Variants in TCF7L2 observed in about 807,000 individuals in gnomAD.
The protein encoded by TCF7L2 is transcription factor 7-like 2.
In TCF7L2, 23 loss-of-function variants were observed where a neutral mutation model predicts 77.9. The ratio of observed to expected loss-of-function variants is 0.30; its 90% CI spans 0.21 to 0.42. TCF7L2 has a LOEUF of 0.42. Among genes scored for constraint, TCF7L2 ranks in the 10% least tolerant of loss-of-function variants. The pLI is 1.00. For synonymous variants in TCF7L2, 413 were observed against 340.2 expected (o/e 1.21, Z -2.36); for missense variants, 654 against 793.1 (o/e 0.82, Z 2.11).
At chr10:112,965,986 C>A (rs2036671051) in intron 4 of TCF7L2, among the ~76,000 whole-genome samples, 1 of 151,384 alleles carries the variant, frequency 6.6e-6, no homozygotes, top group South Asian at 2.1e-4. Context: ...CCAGCCTGGC[C>A]AACATGGTGA....
intron 7 of TCF7L2, among the ~76,000 whole-genome samples, chr10:113,144,350 A>G (rs1255743551): frequency 1.3e-5 from 2 of 152,146 alleles, no homozygotes; most frequent in Non-Finnish European, 2.9e-5. Flanking sequence ...GACTACTGGA[A>G]CTTCCACCCA....
At chr10:113,107,403 G>A (rs983378922) in intron 5 of TCF7L2, among the ~76,000 whole-genome samples, 3 of 152,046 alleles carry the variant, frequency 2.0e-5, no homozygotes, top group African/African-American at 7.2e-5. Context: ...TACAGTCAGG[G>A]GCTGTTGACT....
rs2033419685 is a variant in TCF7L2 at position 112,955,850 on chromosome 10, T to G, written c.381+4243T>G. On this transcript the variant is annotated intron_variant, in intron 3 of 13. Transcript: ENST00000627217. ...TTCTGCACGCCATTGAAAAAAATAT[T>G]TGCTTTAGAAAACTAGCATTTTAAT... 2.0e-5 allele frequency among the ~76,000 whole-genome samples: 3 copies of G among 152,164 alleles called. No individual in the cohort carries two copies. The South Asian group carries it at 6.2e-4, about 32-fold the overall frequency.
At chr10:113,134,432 A>C (rs1592149010) in intron 5 of TCF7L2, among the ~76,000 whole-genome samples, 1 of 152,246 alleles carries the variant, frequency 6.6e-6, no homozygotes, top group East Asian at 1.9e-4. Context: ...CCATCCCACC[A>C]GCAGAAATAG....
Position 112,961,286 on chromosome 10 carries a change from C to T in TCF7L2, c.382-3270C>T, listed in dbSNP as rs968820928. On this transcript the variant is annotated intron_variant, in intron 3 of 13. Transcript: ENST00000627217. ...CCCCCCCAACCTCGGCCTTCCAAAG[C>T]GCTGGGATTACAGGCGTGAGCCATC... Among the ~76,000 whole-genome samples, 6 of 140,860 alleles carry T rather than the reference C, an allele frequency of 4.3e-5. No individual in the cohort carries two copies. The East Asian group carries it at 7.2e-4, about 17-fold the overall frequency. 92.4% of individuals were successfully genotyped at this position (140,860 alleles called of 152,430 possible).
At chr10:113,091,901 G>A (rs2060446936) in intron 5 of TCF7L2, among the ~76,000 whole-genome samples, 1 of 152,196 alleles carries the variant, frequency 6.6e-6, no homozygotes, top group Non-Finnish European at 1.5e-5. Context: ...CTCTGCATTA[G>A]CCATGGCCTG....
chr10:113,115,132 C>A (rs1424361129), intron 5 of TCF7L2, among the ~76,000 whole-genome samples: 4 of 152,178 alleles, frequency 2.6e-5, no homozygotes, highest in Admixed American at 1.3e-4. Flanking sequence ...GAAATGTAGG[C>A]AAGCTGTGTA....
At chr10:113,145,490 T>TCC (rs1426385037) in intron 7 of TCF7L2, among the ~76,000 whole-genome samples, 2 of 152,128 alleles carry the variant, frequency 1.3e-5, no homozygotes, top group Admixed American at 6.5e-5. Context: ...TTGGGGACTC[T>TCC]CCCCCCGGTA....
At chr10:112,993,910 C>G (rs1009915951) in intron 4 of TCF7L2, among the ~76,000 whole-genome samples, 1 of 152,106 alleles carries the variant, frequency 6.6e-6, no homozygotes, top group Non-Finnish European at 1.5e-5. Flanking sequence ...CAAAAATTAG[C>G]TGGGCGTGGT....
At chr10:113,157,743 T>C (rs1190547513) in intron 11 of TCF7L2, 3 of 337,296 alleles carry the variant, frequency 8.9e-6, no homozygotes, top group Non-Finnish European at 1.7e-5. Flanking sequence ...GTGGGTCAGG[T>C]TTGACAATGG....
At chr10:113,073,148 G>GAGAC in intron 5 of TCF7L2, among the ~76,000 whole-genome samples, 1 of 150,428 alleles carries the variant, frequency 6.6e-6, no homozygotes, top group Non-Finnish European at 1.5e-5. Context: ...GAGAGAGAGA[G>GAGAC]AGACAGAGAG....
At position 113,166,639 on chromosome 10, in the gene TCF7L2, C is replaced by G. The variant is rs1206777074; in HGVS notation, c.*667C>G. On this transcript the variant is annotated 3_prime_UTR_variant, in exon 14 of 14. Transcript: ENST00000627217. ...GCTGTTGGGCCAGTAGTATTTATTG[C>G]TTTAGAGATTGCTTGTCGTACCTGT... The G allele has an allele frequency of 4.3e-6, 1 of 230,410 alleles. No homozygotes were observed. Among genetic ancestry groups the G allele is most frequent in the East Asian group, 6.2e-5 (1 of 16,206 alleles). 14.3% of individuals were successfully genotyped at this position (230,410 alleles called of 1,614,324 possible).
chr10:113,094,962 A>T (rs535519773), intron 5 of TCF7L2, among the ~76,000 whole-genome samples: 164 of 152,258 alleles, frequency 1.1e-3, no homozygotes, highest in African/African-American at 3.8e-3. Context: ...CTACTAAAAA[A>T]TACAAAAATT....
chr10:113,126,592 T>TG (rs913251984), intron 5 of TCF7L2: 108 of 983,420 alleles, frequency 1.1e-4, no homozygotes, highest in Middle Eastern at 1.0e-3. Context: ...CTCCCTTTTG[T>TG]GGGGGGGTGG....
At chr10:113,142,070 T>C (rs950940322) in intron 6 of TCF7L2, among the ~76,000 whole-genome samples, 4 of 152,190 alleles carry the variant, frequency 2.6e-5, no homozygotes, top group African/African-American at 9.6e-5. Flanking sequence ...CGTGGCACAA[T>C]TTTGGCTCCC....
intron 4 of TCF7L2, among the ~76,000 whole-genome samples, chr10:113,008,078 C>G (rs2045878157): frequency 6.6e-6 from 1 of 152,232 alleles, no homozygotes; most frequent in Non-Finnish European, 1.5e-5. Flanking sequence ...GAAAGCGACC[C>G]ATCGTCTTCT....
At chr10:113,060,656 A>G (rs1340228506) in intron 5 of TCF7L2, among the ~76,000 whole-genome samples, 2 of 151,720 alleles carry the variant, frequency 1.3e-5, no homozygotes, top group African/African-American at 2.4e-5. Context: ...CTAGAGCACA[A>G]CTCCCCAGCC....
intron 11 of TCF7L2, among the ~76,000 whole-genome samples, chr10:113,155,017 G>A (rs756287336): frequency 8.2e-4 from 123 of 150,388 alleles, no homozygotes; most frequent in Non-Finnish European, 2.9e-4. Context: ...CTTGACGTGG[G>A]AGTTTCCATA....
chr10:113,034,361 A>C (rs2050765458), intron 4 of TCF7L2, among the ~76,000 whole-genome samples: 1 of 152,122 alleles, frequency 6.6e-6, no homozygotes, highest in African/African-American at 2.4e-5. Context: ...GCATATTTGT[A>C]GGGGGTCAGT....
Sources: allele counts gnomAD v4.1 joint callset (sites outside exome capture counted in the v4.1 genomes callset), GRCh38; gene constraint gnomAD v4.1.1; transcripts MANE v1.5; gene names NCBI Gene and HGNC (gene_info 2026-07-23, HGNC 2026-07-21).